Variants in RTCB observed in about 807,000 individuals in gnomAD.
RTCB encodes RNA 2',3'-cyclic phosphate and 5'-OH ligase, also known as RNA-splicing ligase RTCB.
A neutral mutation model predicts 58.2 loss-of-function variants in RTCB; 32 were observed. The observed-to-expected ratio is 0.55, with a 90% confidence interval of 0.41 to 0.74. The LOEUF is 0.74. Among genes scored for constraint, RTCB ranks in the 30% least tolerant of loss-of-function variants. The pLI, the probability that RTCB is intolerant of heterozygous loss-of-function variation, is 0.00. For synonymous variants in RTCB, 247 were observed against 218.6 expected (o/e 1.13, Z -1.15); for missense variants, 523 against 639.0 (o/e 0.82, Z 1.96).
intron 11 of RTCB, among the ~76,000 whole-genome samples, chr22:32,391,989 T>C (rs1029652799): frequency 1.3e-5 from 2 of 152,164 alleles, no homozygotes; most frequent in Non-Finnish European, 2.9e-5. Flanking sequence ...AAGCTTAATA[T>C]GTAGATGGAG....
At chr22:32,407,361 A>C (rs1327760896) in intron 3 of RTCB, 1 of 153,040 alleles carries the variant, frequency 6.5e-6, no homozygotes, top group Non-Finnish European at 1.5e-5. Context: ...GGCATAAAGA[A>C]GACCTCAAAA....
intron 2 of RTCB, among the ~76,000 whole-genome samples, 180 bp from the exon 3 acceptor site, chr22:32,408,422 T>C (rs1219778192): frequency 6.6e-6 from 1 of 152,212 alleles, no homozygotes; most frequent in Admixed American, 6.5e-5. Context: ...TCACTGTAAG[T>C]ATTGCATGAG....
At chr22:32,401,596 T>C in intron 5 of RTCB, 151 bp downstream of exon 5, 1 of 769,094 alleles carries the variant, frequency 1.3e-6, no homozygotes, top group Admixed American at 2.6e-5. Flanking sequence ...ATAAATGGGC[T>C]GTACCTCATG....
chr22:32,411,273 A>T (rs183332545), intron 1 of RTCB, among the ~76,000 whole-genome samples: 1 of 152,358 alleles, frequency 6.6e-6, no homozygotes, highest in East Asian at 1.9e-4. Flanking sequence ...AAAACTATTT[A>T]AAAATACGTT....
intron 5 of RTCB, among the ~76,000 whole-genome samples, chr22:32,400,225 G>C (rs1933313303): frequency 6.6e-6 from 1 of 152,180 alleles, no homozygotes; most frequent in African/African-American, 2.4e-5. Context: ...AAGGTATCTA[G>C]AATTCCTCAG....
At chr22:32,399,850 C>T (rs75755200) in intron 5 of RTCB, 91 bp from the exon 6 acceptor site, 15,426 of 1,205,966 alleles carry the variant, frequency 0.013, 107 homozygotes, top group East Asian at 0.017. Flanking sequence ...GAGAAAAACT[C>T]GACATTTACT....
At chr22:32,389,230 A>G (rs1957043322) in intron 11 of RTCB, among the ~76,000 whole-genome samples, 1 of 152,118 alleles carries the variant, frequency 6.6e-6, no homozygotes, top group South Asian at 2.1e-4. Context: ...TGGGCCAATG[A>G]CTGTCTCTCC....
intron 6 of RTCB, among the ~76,000 whole-genome samples, chr22:32,398,632 G>C (rs958381251): frequency 1.3e-5 from 2 of 152,038 alleles, no homozygotes; most frequent in Admixed American, 6.6e-5. Flanking sequence ...TTTAAAAAAA[G>C]CTTCATAAAC....
At chr22:32,392,947 T>C (rs1401798994) in intron 10 of RTCB, among the ~76,000 whole-genome samples, 1 of 152,210 alleles carries the variant, frequency 6.6e-6, no homozygotes, top group Non-Finnish European at 1.5e-5. Flanking sequence ...TAAACTATTT[T>C]GTTTTTTGAG....
Position 32,406,879 on chromosome 22 carries a change from CTG to C in RTCB, c.241-120_241-119del, listed in dbSNP as rs371872758. 70 of 631,442 alleles carry C rather than the reference CTG, an allele frequency of 1.1e-4. No homozygotes were observed. In the East Asian group the frequency reaches 1.9e-3, roughly 18 times the overall value. The allele number at this position is 631,442 out of a possible 1,614,324, so 39.1% of individuals were successfully genotyped here. On this transcript the variant is annotated intron_variant, in intron 3 of 11. Coordinates refer to ENST00000216038, the MANE Select transcript of RTCB (RefSeq NM_014306.5). ...GGCTGAAGCTTTCCCTAAATCAAGA[CTG>C]TGTTTTCACAAAATCTTCTATATGC... is the stretch of plus-strand genomic sequence containing the variant.
chr22:32,391,177 A>C (rs1332035683), intron 11 of RTCB, among the ~76,000 whole-genome samples: 1 of 152,224 alleles, frequency 6.6e-6, no homozygotes, highest in African/African-American at 2.4e-5. Context: ...TTACAATTTA[A>C]TTTATAGTAG....
chr22:32,398,800 T>C (rs2145893236), intron 6 of RTCB, among the ~76,000 whole-genome samples: 1 of 152,330 alleles, frequency 6.6e-6, no homozygotes, highest in East Asian at 1.9e-4. Flanking sequence ...CCATTATTTA[T>C]AACTGAAAGA....
chr22:32,409,427 C>G, intron 1 of RTCB, among the ~76,000 whole-genome samples: 1 of 152,196 alleles, frequency 6.6e-6, no homozygotes, highest in South Asian at 2.1e-4. Flanking sequence ...TTTAAAAAAT[C>G]TATAATTTTA....
chr22:32,393,915 A>T lies in RTCB; in HGVS notation c.1267T>A (p.Phe423Ile). The T allele has an allele frequency of 6.2e-7, 1 of 1,613,740 alleles. No homozygotes were observed. The highest frequency in any genetic ancestry group is 1.6e-4 in the Middle Eastern group (1 of 6,062). ...ACCGCTCCATGACAGGTTGTTCCAA[A>T]GGTCTCAGTCATGCCCTGTTCAGTG... ...TGTEQGMTET[F>I]GTTCHGAGRA... The change falls in exon 10 of 12, where the codon TTT (phenylalanine) becomes ATT (isoleucine). Residue 423 changes from phenylalanine to isoleucine, a missense_variant. Transcript: ENST00000216038.
Position 32,399,677 on chromosome 22 carries a change from C to T in RTCB, c.580G>A (p.Glu194Lys), listed in dbSNP as rs1407145467. The T allele has an allele frequency of 3.7e-6, 6 of 1,613,948 alleles. No individual in the cohort carries two copies. Among genetic ancestry groups the T allele is most frequent in the African/African-American group, 1.3e-5 (1 of 74,894 alleles). Reference sequence around the variant, plus strand: ...GCCTGCAGCATCCTTCCGTACTCCTCGCAGTGCTCCTTGTCTTCAGCCCAG... The same window carrying T: ...GCCTGCAGCATCCTTCCGTACTCCTTGCAGTGCTCCTTGTCTTCAGCCCAG... ...YAWAEDKEHC[E>K]EYGRMLQADP... The change falls in exon 6 of 12, where the codon GAG (glutamate) becomes AAG (lysine). Residue 194 changes from glutamate (E) to lysine (K), a missense_variant. Transcript: ENST00000216038.
intron 11 of RTCB, 55 bp downstream of exon 11, chr22:32,392,185 C>A: frequency 1.3e-6 from 2 of 1,562,530 alleles, no homozygotes; most frequent in Non-Finnish European, 1.7e-6. Flanking sequence ...TAGACTGGAA[C>A]AAATTACAAA....
chr22:32,391,530 C>T (rs985026047), intron 11 of RTCB, among the ~76,000 whole-genome samples: 2 of 151,342 alleles, frequency 1.3e-5, no homozygotes, highest in Admixed American at 6.6e-5. Context: ...TGAGTAGCTG[C>T]GATTATGGGT....
intron 4 of RTCB, among the ~76,000 whole-genome samples, chr22:32,404,386 G>A (rs769913360): frequency 6.6e-6 from 1 of 152,100 alleles, no homozygotes; most frequent in Non-Finnish European, 1.5e-5. Context: ...TTTGACTCAT[G>A]GGTTACTTAA....
chr22:32,398,040 T>C lies in RTCB; in HGVS notation c.715A>G (p.Asn239Asp). Reference sequence around the variant, plus strand: ...CCCATTTTTTTAGCAGCATACTCATTGAAAATCTCATCCACAACCTGGATT... The same window carrying C: ...CCCATTTTTTTAGCAGCATACTCATCGAAAATCTCATCCACAACCTGGATT... Reference protein sequence around the residue: ...AEIQVVDEIFNEYAAKKMGID... With the variant: ...AEIQVVDEIFDEYAAKKMGID... The change falls in exon 7 of 12, where the codon AAT becomes GAT. Residue 239 changes from asparagine (N) to aspartate (D), a missense_variant. Around this residue, in one of 3 missense-constraint regions of RTCB, gnomAD observed 141 missense variants for 216.7 expected, o/e 0.65. Transcript: ENST00000216038. 6.2e-7 allele frequency: 1 copy of C among 1,614,176 alleles called. No individual in the cohort carries two copies. Among genetic ancestry groups the C allele is most frequent in the Non-Finnish European group, 8.5e-7 (1 of 1,180,026 alleles).
Sources: allele counts gnomAD v4.1 joint callset (sites outside exome capture counted in the v4.1 genomes callset), GRCh38; gene constraint gnomAD v4.1.1; regional missense constraint gnomAD v4.1.1; transcripts MANE v1.5; gene names NCBI Gene and HGNC (gene_info 2026-07-23, HGNC 2026-07-21).